The following NAA15 variants were observed in gnomAD, a reference collection of about 807,000 sequenced individuals.
NAA15 encodes N-alpha-acetyltransferase 15, NatA auxiliary subunit.
NAA15 carries 34 observed loss-of-function variants against 114.0 expected under a neutral mutation model. The ratio of observed to expected loss-of-function variants is 0.30; its 90% CI spans 0.23 to 0.40. The LOEUF (loss-of-function observed/expected upper bound fraction) is 0.40, where lower values mean the gene tolerates loss of function less well. Ranked by LOEUF, NAA15 falls within the 10% of genes least tolerant of loss-of-function variation. NAA15 has a pLI of 1.00. For synonymous variants in NAA15, 340 were observed against 338.0 expected (o/e 1.01, Z -0.06); for missense variants, 658 against 1,004.5 (o/e 0.66, Z 4.66).
chr4:139,361,417 A>G (rs1748128795), intron 13 of NAA15, among the ~76,000 whole-genome samples: 1 of 152,110 alleles, frequency 6.6e-6, no homozygotes, highest in South Asian at 2.1e-4. Flanking sequence ...TAAATAAATT[A>G]TGTTTGATGT....
At chr4:139,327,567 T>C (rs1746843802) in intron 1 of NAA15, among the ~76,000 whole-genome samples, 1 of 152,234 alleles carries the variant, frequency 6.6e-6, no homozygotes, top group Admixed American at 6.5e-5. Context: ...CCAGTAAATC[T>C]TATTCTCATT....
chr4:139,332,778 C>T (rs1747065189), intron 1 of NAA15, among the ~76,000 whole-genome samples: 1 of 151,778 alleles, frequency 6.6e-6, no homozygotes, highest in East Asian at 1.9e-4. Context: ...GACAGGGTTT[C>T]ACCATGTTGG....
intron 11 of NAA15, among the ~76,000 whole-genome samples, chr4:139,358,450 C>T (rs553585819): frequency 6.6e-6 from 1 of 152,022 alleles, no homozygotes; most frequent in Admixed American, 6.5e-5. Context: ...CCTGTTTTGG[C>T]CTCCCAAAGT....
At chr4:139,383,288 A>G (rs1748801023) in intron 17 of NAA15, among the ~76,000 whole-genome samples, 1 of 152,230 alleles carries the variant, frequency 6.6e-6, no homozygotes, top group Admixed American at 6.5e-5. Context: ...ATCAAGAAAT[A>G]GGTTCAGAGA....
intron 6 of NAA15, among the ~76,000 whole-genome samples, chr4:139,344,784 TGA>T (rs1747528959): frequency 6.6e-6 from 1 of 152,186 alleles, no homozygotes; most frequent in Admixed American, 6.5e-5. Context: ...AGGATATTTC[TGA>T]GAGTCTTTAT....
intron 1 of NAA15, among the ~76,000 whole-genome samples, chr4:139,331,479 C>A (rs1385278298): frequency 6.6e-6 from 1 of 151,040 alleles, no homozygotes; most frequent in African/African-American, 2.4e-5. Flanking sequence ...CAGAGTCTGG[C>A]CCTGTTGCCC....
At chr4:139,326,964 C>G (rs183073353) in intron 1 of NAA15, among the ~76,000 whole-genome samples, 2 of 152,172 alleles carry the variant, frequency 1.3e-5, no homozygotes, top group Admixed American at 1.3e-4. Flanking sequence ...AACAGAGTCT[C>G]TCTGTGTCTT....
chr4:139,310,125 C>T (rs923989211), intron 1 of NAA15, among the ~76,000 whole-genome samples: 1 of 152,110 alleles, frequency 6.6e-6, no homozygotes, highest in East Asian at 1.9e-4. Flanking sequence ...GAAGTTCTGA[C>T]AGAGCATTGA....
At position 139,357,540 on chromosome 4, in the gene NAA15, A is replaced by G. The variant is rs1560972594; in HGVS notation, c.1242A>G (p.Lys414=). The change falls in exon 11 of 20, where the codon AAA becomes AAG. Residue 414 remains lysine (K), a synonymous_variant. Coordinates refer to ENST00000296543, the MANE Select transcript of NAA15 (RefSeq NM_057175.5). Reference sequence around the variant, plus strand: ...CATTAATAGAACTCTTTCTCGTGAAAGCTAAAATCTATAAGGTAAAAATCT... The same window carrying G: ...CATTAATAGAACTCTTTCTCGTGAAGGCTAAAATCTATAAGGTAAAAATCT... ...TPTLIELFLV[K]AKIYKHAGNI... The G allele has an allele frequency of 6.2e-7, 1 of 1,603,906 alleles. No individual in the cohort carries two copies. Among genetic ancestry groups the G allele is most frequent in the African/African-American group, 1.3e-5 (1 of 74,648 alleles).
rs552067501 is a variant in NAA15 at position 139,324,454 on chromosome 4, T to C, written c.55-9720T>C. On this transcript the variant is annotated intron_variant, in intron 1 of 19. Transcript: ENST00000296543. ...AACACAAGAGTTTCAGATGAGGGAA[T>C]GTAGACCTGTATTTCTGTTTAATGC... is the stretch of plus-strand genomic sequence containing the variant. 3.9e-5 allele frequency among the ~76,000 whole-genome samples: 6 copies of C among 152,320 alleles called. No individual in the cohort carries two copies. The East Asian group carries it at 9.6e-4, about 24-fold the overall frequency.
chr4:139,365,863 A>G (rs1748265462), intron 14 of NAA15, among the ~76,000 whole-genome samples: 2 of 152,106 alleles, frequency 1.3e-5, no homozygotes, highest in South Asian at 4.1e-4. Flanking sequence ...AAAAAAAGAA[A>G]GAGAGAAAAA....
intron 17 of NAA15, among the ~76,000 whole-genome samples, chr4:139,381,277 A>G (rs562895885): frequency 1.3e-5 from 2 of 152,118 alleles, no homozygotes; most frequent in Non-Finnish European, 2.9e-5. Flanking sequence ...TGTAGGACTT[A>G]AAACAATTAC....
At chr4:139,316,734 G>A (rs1746421912) in intron 1 of NAA15, among the ~76,000 whole-genome samples, 3 of 151,618 alleles carry the variant, frequency 2.0e-5, no homozygotes, top group South Asian at 4.2e-4. Context: ...ATCTTATTTT[G>A]TCTTATTTTG....
At chr4:139,360,692 T>A (rs1262608045) in intron 13 of NAA15, 64 bp downstream of exon 13, 1 of 1,405,364 alleles carries the variant, frequency 7.1e-7, no homozygotes, top group Admixed American at 2.6e-5. Context: ...ACAAATTTCA[T>A]AGTTTTTTTC....
rs1376736637 is a variant in NAA15 at position 139,344,191 on chromosome 4, C to G, written c.543C>G (p.Ser181=). 1.2e-6 allele frequency: 2 copies of G among 1,607,526 alleles called. No individual in the cohort carries two copies. Among genetic ancestry groups the G allele is most frequent in the Middle Eastern group, 1.7e-4 (1 of 5,982 alleles). ...LEEFRKTQQT[S]PDKVDYEYSE... is the part of the protein sequence containing the mutation. The stretch of plus-strand genomic sequence containing the variant: ...TTCCTTATATCCATATACAGACATC[C>G]CCTGACAAGGTGGATTATGAATATA... The change falls in exon 6 of 20, where the codon TCC becomes TCG. Residue 181 remains serine (S), a synonymous_variant. Transcript: ENST00000296543.
intron 3 of NAA15, 111 bp from the exon 4 acceptor site, chr4:139,340,801 C>A: frequency 1.3e-6 from 1 of 794,718 alleles, no homozygotes; most frequent in Non-Finnish European, 1.9e-6. Flanking sequence ...CCTTCCCCTT[C>A]TTTTTAAGCT....
intron 19 of NAA15, among the ~76,000 whole-genome samples, chr4:139,386,837 G>GT (rs1300220977): frequency 6.6e-6 from 1 of 152,060 alleles, no homozygotes; most frequent in Non-Finnish European, 1.5e-5. Flanking sequence ...AAAGAAAGAT[G>GT]TATTTACTAG....
intron 4 of NAA15, 136 bp downstream of exon 4, chr4:139,341,205 G>T (rs1249236148): frequency 8.6e-6 from 5 of 583,826 alleles, no homozygotes; most frequent in Non-Finnish European, 1.4e-5. Flanking sequence ...TACCACAGTG[G>T]TTATGTTTAT....
chr4:139,357,744 T>C (rs548570684), intron 11 of NAA15, among the ~76,000 whole-genome samples, 189 bp downstream of exon 11: 14 of 152,350 alleles, frequency 9.2e-5, no homozygotes, highest in Middle Eastern at 3.4e-3. Flanking sequence ...TGGTGATTTA[T>C]CTATATCCGT....
Sources: gnomAD v4.1 joint callset for allele counts (sites outside exome capture counted in the v4.1 genomes callset) on GRCh38, gnomAD v4.1.1 for gene constraint, MANE v1.5 for transcripts, NCBI Gene and HGNC (gene_info 2026-07-23, HGNC 2026-07-21) for gene names.